GHR: variants seen among roughly 807,000 people sequenced by gnomAD.
GHR encodes the protein GH receptor.
GHR carries 35 observed loss-of-function variants against 67.1 expected under a neutral mutation model. The observed-to-expected ratio is 0.52, with a 90% CI of 0.40 to 0.69. The LOEUF (loss-of-function observed/expected upper bound fraction) is 0.69. Ranked by LOEUF, GHR falls within the 30% of genes least tolerant of loss-of-function variation. The pLI, the probability that GHR is intolerant of heterozygous loss-of-function variation, is 0.00. For missense variants in GHR, 792 were observed against 764.6 expected (o/e 1.04, Z -0.42); for synonymous variants, 272 against 269.1 (o/e 1.01, Z -0.10).
chr5:42,447,630 CTCTT>C (rs1298011777), intron 1 of GHR, among the ~76,000 whole-genome samples: 7 of 151,678 alleles, frequency 4.6e-5, no homozygotes, highest in Admixed American at 4.6e-4. Context: ...CCATCTCTCT[CTCTT>C]TCCTTTCTTC....
intron 2 of GHR, among the ~76,000 whole-genome samples, chr5:42,606,087 G>A (rs867885622): frequency 2.0e-5 from 3 of 152,164 alleles, no homozygotes; most frequent in Admixed American, 6.5e-5. Context: ...CCAGAGCTAG[G>A]TGATTTCAGA....
At chr5:42,679,909 T>A (rs533508815) in intron 3 of GHR, among the ~76,000 whole-genome samples, 2 of 152,212 alleles carry the variant, frequency 1.3e-5, no homozygotes, top group South Asian at 4.2e-4. Flanking sequence ...AAAATAATGA[T>A]GTTGAATGCA....
intron 3 of GHR, among the ~76,000 whole-genome samples, chr5:42,629,439 T>G (rs1364139668): frequency 7.7e-6 from 1 of 130,392 alleles, no homozygotes; most frequent in Admixed American, 7.4e-5. Flanking sequence ...TGAGATCTGG[T>G]TGTTTAAAAG....
chr5:42,672,595 T>C (rs926529303), intron 3 of GHR, among the ~76,000 whole-genome samples: 1 of 152,158 alleles, frequency 6.6e-6, no homozygotes, highest in African/African-American at 2.4e-5. Context: ...TGATACTGAC[T>C]AGCTATATGT....
intron 1 of GHR, chr5:42,565,565 A>T: frequency 1.0e-6 from 1 of 985,360 alleles, no homozygotes. Flanking sequence ...GAAGCTGTGC[A>T]TGGGGGTCGT....
rs538706701 is a variant in GHR at position 42,686,940 on chromosome 5, G to A, written c.137-1950G>A. Reference sequence around the variant, plus strand: ...ATATTTAGAAAACCCCATCGTCTCAGCCCAAAATCTCCTTAAGCTGATAAG... The same window carrying A: ...ATATTTAGAAAACCCCATCGTCTCAACCCAAAATCTCCTTAAGCTGATAAG... On this transcript the variant is annotated intron_variant, in intron 3 of 9. Coordinates refer to ENST00000230882, the MANE Select transcript of GHR (RefSeq NM_000163.5). 1.3e-4 allele frequency among the ~76,000 whole-genome samples: 20 copies of A among 152,288 alleles called. 1 individual carries two copies. The highest frequency in any genetic ancestry group is 4.8e-4 in the African/African-American group (20 of 41,562).
At chr5:42,495,241 T>C (rs1746272210) in intron 1 of GHR, among the ~76,000 whole-genome samples, 1 of 151,976 alleles carries the variant, frequency 6.6e-6, no homozygotes, top group Admixed American at 6.6e-5. Context: ...GTCTATCTAG[T>C]AAGATAGAGT....
intron 3 of GHR, among the ~76,000 whole-genome samples, chr5:42,667,538 C>A (rs985273904): frequency 1.3e-5 from 2 of 152,122 alleles, no homozygotes; most frequent in African/African-American, 2.4e-5. Context: ...AATGCCCAGG[C>A]ATCACCCCAA....
chr5:42,548,335 G>T, intron 1 of GHR: 1 of 985,258 alleles, frequency 1.0e-6, no homozygotes, highest in Non-Finnish European at 1.2e-6. Flanking sequence ...ATGCCAAGTG[G>T]TAACCAAGAA....
chr5:42,712,361 G>A (rs1758504769), intron 7 of GHR, among the ~76,000 whole-genome samples: 1 of 151,628 alleles, frequency 6.6e-6, no homozygotes, highest in African/African-American at 2.4e-5. Context: ...TAAGCTTAGT[G>A]TAGTGGCATT....
intron 2 of GHR, among the ~76,000 whole-genome samples, chr5:42,625,270 G>A (rs1015263849): frequency 2.0e-5 from 3 of 152,006 alleles, no homozygotes; most frequent in African/African-American, 7.3e-5. Flanking sequence ...ATCAGAAATA[G>A]ATTTCTTGGC....
chr5:42,597,599 C>A (rs576519229), intron 2 of GHR, among the ~76,000 whole-genome samples: 2 of 152,294 alleles, frequency 1.3e-5, no homozygotes, highest in East Asian at 3.9e-4. Flanking sequence ...AAATCTCTTT[C>A]AGTGGCCAGG....
At position 42,617,079 on chromosome 5, in the gene GHR, G is replaced by A. The variant is rs77125022; in HGVS notation, c.71-11959G>A. On this transcript the variant is annotated intron_variant, in intron 2 of 9. Transcript: ENST00000230882. ...AAATTCCTGGGAGCGCAACCCCTAA[G>A]AAGCCAAAAATAGAGTATGCTTTCC... Among the ~76,000 whole-genome samples, 439 of 152,034 alleles carry A rather than the reference G, an allele frequency of 2.9e-3. 1 individual carries two copies. Among genetic ancestry groups the A allele is most frequent in the African/African-American group, 0.01 (422 of 41,484 alleles).
chr5:42,588,753 C>CT (rs1751627253), intron 2 of GHR, among the ~76,000 whole-genome samples: 1 of 152,034 alleles, frequency 6.6e-6, no homozygotes, highest in African/African-American at 2.4e-5. Flanking sequence ...ATATGAATGT[C>CT]TTTTTTTGTT....
chr5:42,453,196 A>G (rs1744123658), intron 1 of GHR, among the ~76,000 whole-genome samples: 1 of 151,990 alleles, frequency 6.6e-6, no homozygotes, highest in Admixed American at 6.6e-5. Flanking sequence ...GGTTTTCCCC[A>G]ATGCTGATTT....
intron 6 of GHR, among the ~76,000 whole-genome samples, chr5:42,701,945 A>T (rs1411133550): frequency 1.3e-5 from 2 of 152,166 alleles, no homozygotes; most frequent in South Asian, 2.1e-4. Context: ...ATGATCAAAA[A>T]TTTTTTTGTA....
chr5:42,647,261 C>T (rs2112810041), intron 3 of GHR, among the ~76,000 whole-genome samples: 1 of 152,096 alleles, frequency 6.6e-6, no homozygotes, highest in South Asian at 2.1e-4. Flanking sequence ...CAACTGAGAG[C>T]TTTGTGCAAT....
At chr5:42,624,351 T>G (rs1753597530) in intron 2 of GHR, among the ~76,000 whole-genome samples, 1 of 152,204 alleles carries the variant, frequency 6.6e-6, no homozygotes, top group South Asian at 2.1e-4. Flanking sequence ...TGGAAAAATT[T>G]GTCAACTTTA....
intron 4 of GHR, among the ~76,000 whole-genome samples, chr5:42,694,560 C>A (rs946224868): frequency 6.6e-6 from 1 of 152,156 alleles, no homozygotes; most frequent in Admixed American, 6.5e-5. Flanking sequence ...GGGTGATTCT[C>A]TGTACTGTTT....
Sources: allele counts gnomAD v4.1 joint callset (sites outside exome capture counted in the v4.1 genomes callset), GRCh38; gene constraint gnomAD v4.1.1; transcripts MANE v1.5; gene names NCBI Gene and HGNC (gene_info 2026-07-23, HGNC 2026-07-21).